The following TREX1 variants were observed in gnomAD, a reference collection of about 807,000 sequenced individuals.
TREX1 encodes three prime repair exonuclease 1.
A neutral mutation model predicts 13.7 loss-of-function variants in TREX1; 11 were observed. That is an observed-to-expected ratio of 0.80 (90% CI 0.51 to 1.33). The LOEUF is 1.33. TREX1 is among the 40% of genes most tolerant of loss of function. The pLI, the probability that TREX1 is intolerant of heterozygous loss-of-function variation, is 0.00. For missense variants in TREX1, 409 were observed against 404.4 expected, an observed-to-expected ratio of 1.01 and a Z score of -0.10; for synonymous variants, 178 against 178.8, an observed-to-expected ratio of 1.00 and a Z score of 0.03.
rs56162833 is a variant in TREX1, at chr3:48,466,967, G to A, written c.312G>A (p.Leu104=). 13 of 1,612,374 alleles carry A rather than the reference G, an allele frequency of 8.1e-6. No individual in the cohort carries two copies. The highest frequency in any genetic ancestry group is 1.1e-5 in the Non-Finnish European group (13 of 1,180,034). The change falls in exon 2 of 2, where the codon CTG becomes CTA. Residue 104 remains leucine (L), a synonymous_variant. Coordinates refer to ENST00000625293, the MANE Select transcript of TREX1 (RefSeq NM_033629.6). ...GGCGTCAATGTTTTGATGACAACCT[G>A]GCCAACCTGCTCCTAGCCTTCCTGC... ...AHGRQCFDDN[L]ANLLLAFLRR...
In TREX1 at chr3:48,466,661, C is replaced by T. The variant is rs1457063888; in HGVS notation, c.6C>T (p.Gly2=). 2 of 1,614,086 alleles carry T rather than the reference C, an allele frequency of 1.2e-6. No individual in the cohort carries two copies. The highest frequency in any genetic ancestry group is 1.3e-5 in the African/African-American group (1 of 75,044). M[G]SQALPPGPMQ... ...CAGCAGGTACGTACCCAACCATGGG[C>T]TCGCAGGCCCTGCCCCCGGGGCCCA... The change falls in exon 2 of 2, where the codon GGC becomes GGT. Residue 2 remains glycine, a synonymous_variant. Transcript: ENST00000625293.
At chr3:48,466,419 C>T (rs989302643) in intron 1 of TREX1, 110 bp downstream of exon 1, 16 of 1,605,430 alleles carry the variant, frequency 1.0e-5, no homozygotes, top group African/African-American at 4.0e-5. Flanking sequence ...AAGAGGGAGA[C>T]CCTCTCAGAC....
chr3:48,467,133 A>C lies in TREX1; in HGVS notation c.478A>C (p.Lys160Gln). Reference protein sequence around the residue: ...AFCVDSITALKALERASSPSE... With the variant: ...AFCVDSITALQALERASSPSE... ...CTGTGTGGATAGCATCACTGCGCTG[A>C]AGGCCCTGGAGCGAGCAAGCAGCCC... The change falls in exon 2 of 2, where the codon AAG (lysine) becomes CAG (glutamine). Residue 160 changes from lysine (K) to glutamine (Q), a missense_variant. Physicochemically the swap from Lys to Gln is moderately conservative, Grantham distance 53. Coordinates refer to ENST00000625293, the MANE Select transcript of TREX1 (RefSeq NM_033629.6). 1.2e-6 allele frequency: 2 copies of C among 1,613,918 alleles called. No homozygotes were observed. The highest frequency in any genetic ancestry group is 1.7e-6 in the Non-Finnish European group (2 of 1,180,008).
Position 48,466,883 on chromosome 3 carries a change from C to CT in TREX1, c.229dup (p.Cys77LeufsTer25), listed in dbSNP as rs1455663493. 2 of 1,612,600 alleles carry CT rather than the reference C, an allele frequency of 1.2e-6. No homozygotes were observed. Among genetic ancestry groups the CT allele is most frequent in the Non-Finnish European group, 1.7e-6 (2 of 1,180,028 alleles). On this transcript the variant is annotated frameshift_variant, in exon 2 of 2. Coordinates refer to ENST00000625293, the MANE Select transcript of TREX1 (RefSeq NM_033629.6). LOFTEE classifies it high-confidence loss of function. ...CCCTGTGTGTGGCTCCGGGGAAGGC[C>CT]TGCAGCCCTGCAGCCAGCGAGATCA...
Position 48,467,188 on chromosome 3 carries a change from G to C in TREX1, c.533G>C (p.Ser178Thr). The C allele has an allele frequency of 6.2e-7, 1 of 1,613,906 alleles. No individual in the cohort carries two copies. The highest frequency in any genetic ancestry group is 8.5e-7 in the Non-Finnish European group (1 of 1,179,958). The stretch of plus-strand genomic sequence containing the variant: ...GAACACGGCCCAAGGAAGAGCTATA[G>C]CCTAGGCAGCATCTACACTCGCCTG... ...PSEHGPRKSY[S>T]LGSIYTRLYG... The change falls in exon 2 of 2, where the codon AGC becomes ACC. Residue 178 changes from serine (S) to threonine (T), a missense_variant. Ser to Thr is a moderately conservative substitution (Grantham distance 58). Transcript: ENST00000625293.
rs1312834489 is a variant in TREX1 at position 48,467,342 on chromosome 3, C to G, written c.687C>G (p.Ile229Met). The G allele has an allele frequency of 6.2e-7, 1 of 1,614,192 alleles. No individual in the cohort carries two copies. The part of the protein sequence containing the change: ...VDAHARPFGT[I>M]RPMYGVTASA... ...CTCACGCCAGGCCTTTCGGCACCAT[C>G]AGGCCCATGTATGGGGTCACAGCCT... Residue 229 changes from isoleucine (I) to methionine (M), a missense_variant, in exon 2 of 2, where the codon ATC (isoleucine) becomes ATG (methionine). Transcript: ENST00000625293.
chr3:48,467,375 G>C lies in TREX1; in HGVS notation c.720G>C (p.Arg240Ser), dbSNP rs72556555. The C allele has an allele frequency of 1.4e-4, 234 of 1,614,156 alleles. No homozygotes were observed. The African/African-American group carries it at 2.7e-3, about 19-fold the overall frequency. Residue 240 changes from arginine to serine, a missense_variant, in exon 2 of 2, where the codon AGG becomes AGC. Arg to Ser is a moderately radical substitution (Grantham distance 110). Transcript: ENST00000625293. ...TGTATGGGGTCACAGCCTCTGCTAG[G>C]ACCAAGCCAAGACCATCTGCTGTCA... ...RPMYGVTASARTKPRPSAVTT... is the reference protein window; with the variant it reads ...RPMYGVTASASTKPRPSAVTT...
chr3:48,467,530 G>A lies in TREX1; in HGVS notation c.875G>A (p.Gly292Asp), dbSNP rs772858415. ...LSREGLLAPL[G>D]LLAILTLAVA... ...AGGGAGGGGCTGCTGGCCCCACTGG[G>A]TCTGCTGGCCATCCTGACCTTGGCA... The change falls in exon 2 of 2, where the codon GGT becomes GAT. Residue 292 changes from glycine to aspartate, a missense_variant. By Grantham distance (94) the Gly-to-Asp change is moderately conservative. Coordinates refer to ENST00000625293, the MANE Select transcript of TREX1 (RefSeq NM_033629.6). The A allele has an allele frequency of 1.9e-6, 3 of 1,613,656 alleles. No individual in the cohort carries two copies. Among genetic ancestry groups the A allele is most frequent in the Non-Finnish European group, 1.7e-6 (2 of 1,179,798 alleles).
In TREX1 at chr3:48,466,850, C is replaced by G; in HGVS notation, c.195C>G (p.Asp65Glu). Residue 65 changes from aspartate to glutamate, a missense_variant, in exon 2 of 2, where the codon GAC becomes GAG. Coordinates refer to ENST00000625293, the MANE Select transcript of TREX1 (RefSeq NM_033629.6). The part of the protein sequence containing the change: ...PTVPPPPRVV[D>E]KLSLCVAPGK... ...TTCCTCCACCACCGCGTGTGGTAGA[C>G]AAGCTCTCCCTGTGTGTGGCTCCGG... The G allele has an allele frequency of 6.2e-7, 1 of 1,613,960 alleles. No individual in the cohort carries two copies. The highest frequency in any genetic ancestry group is 8.5e-7 in the Non-Finnish European group (1 of 1,180,046).
Position 48,467,603 on chromosome 3 carries a change from C to CAAGA in TREX1, c.*5_*8dup. ...CCCTGGCCACACCTGGGGAGTAGGC[C>CAAGA]AAGAAGGAAAATCTGACGAATAAAG... On this transcript the variant is annotated 3_prime_UTR_variant, in exon 2 of 2. Coordinates refer to ENST00000625293, the MANE Select transcript of TREX1 (RefSeq NM_033629.6). 6.2e-7 allele frequency: 1 copy of CAAGA among 1,609,272 alleles called. No individual in the cohort carries two copies. The highest frequency in any genetic ancestry group is 1.1e-5 in the South Asian group (1 of 90,908).
chr3:48,466,581 C>T (rs1242427237), intron 1 of TREX1, 49 bp from the exon 2 acceptor site: 16 of 1,613,690 alleles, frequency 9.9e-6, no homozygotes, highest in Middle Eastern at 3.3e-4. Flanking sequence ...CCCTCCCCTT[C>T]GGATCTTAAC....
rs1003855092 is a variant in TREX1 at position 48,466,327 on chromosome 3, A to G, written c.-27+18A>G. On this transcript the variant is annotated intron_variant, in intron 1 of 1. Transcript: ENST00000625293. ...CTGCTACGGTGAGTGTGGCCCCCAC[A>G]ATGGGATGGCGCAGGGCAGGAGGGC... is the stretch of plus-strand genomic sequence containing the variant. 2 of 898,154 alleles carry G rather than the reference A, an allele frequency of 2.2e-6. No homozygotes were observed. The highest frequency in any genetic ancestry group is 3.6e-6 in the Non-Finnish European group (2 of 560,736). 55.6% of individuals were successfully genotyped at this position (898,154 alleles called of 1,614,324 possible). A position where few individuals can be genotyped will look rare whatever the true frequency, so the allele number is the denominator to read the frequency against.
rs1371605173 is a variant in TREX1 at position 48,467,641 on chromosome 3, C to T, written c.*41C>T. On this transcript the variant is annotated 3_prime_UTR_variant, in exon 2 of 2. Transcript: ENST00000625293. ...CTGACGAATAAAGACCCCCGCTGCC[C>T]CATAGCACTGAGTGGTCAATTGGCT... 3.8e-6 allele frequency: 6 copies of T among 1,588,544 alleles called. No individual in the cohort carries two copies. Among genetic ancestry groups the T allele is most frequent in the Non-Finnish European group, 4.3e-6 (5 of 1,167,216 alleles).
rs935356579 is a variant in TREX1, at chr3:48,466,261, G to C, written c.-75G>C. 4.8e-6 allele frequency: 3 copies of C among 619,408 alleles called. No homozygotes were observed. Among genetic ancestry groups the C allele is most frequent in the Non-Finnish European group, 5.7e-6 (2 of 348,236 alleles). The allele number at this position is 619,408 out of a possible 1,614,324, so 38.4% of individuals were successfully genotyped here. A position where few individuals can be genotyped will look rare whatever the true frequency, so the allele number is the denominator to read the frequency against. ...CGCCACTGCTGCCAGCGAGAGCCGCGGGAGAGTGTGCAGCCGAGTCACTAC... is the reference window on the plus strand; with the variant it reads ...CGCCACTGCTGCCAGCGAGAGCCGCCGGAGAGTGTGCAGCCGAGTCACTAC... On this transcript the variant is annotated 5_prime_UTR_variant, in exon 1 of 2. Coordinates refer to ENST00000625293, the MANE Select transcript of TREX1 (RefSeq NM_033629.6).
intron 1 of TREX1, 99 bp from the exon 2 acceptor site, chr3:48,466,531 G>A (rs1004374077): frequency 7.4e-6 from 12 of 1,613,928 alleles, no homozygotes; most frequent in Non-Finnish European, 1.0e-5. Flanking sequence ...ATTGTGCAGG[G>A]AAGGCCTGAG....
At chr3:48,466,459 C>A (rs781754724) in intron 1 of TREX1, 150 bp downstream of exon 1, 1 of 1,613,690 alleles carries the variant, frequency 6.2e-7, no homozygotes. Flanking sequence ...ACTAAGGAAA[C>A]CACCTCACCC....
intron 1 of TREX1, 65 bp downstream of exon 1, chr3:48,466,374 C>A: frequency 1.4e-6 from 2 of 1,420,782 alleles, no homozygotes; most frequent in Non-Finnish European, 2.0e-6. Flanking sequence ...CCACCCCAGA[C>A]TAAGGGGGCA....
Position 48,467,109 on chromosome 3 carries a change from T to C in TREX1, c.454T>C (p.Cys152Arg). 6.2e-7 allele frequency: 1 copy of C among 1,613,976 alleles called. No individual in the cohort carries two copies. Among genetic ancestry groups the C allele is most frequent in the Non-Finnish European group, 8.5e-7 (1 of 1,180,034 alleles). ...CACCAGTGCTCTGGATGGTGCCTTC[T>C]GTGTGGATAGCATCACTGCGCTGAA... ...GLTSALDGAF[C>R]VDSITALKAL... Residue 152 changes from cysteine (C) to arginine (R), a missense_variant, in exon 2 of 2, where the codon TGT becomes CGT. Physicochemically the swap from Cys to Arg is radical, Grantham distance 180. Transcript: ENST00000625293.
At position 48,466,706 on chromosome 3, in the gene TREX1, C is replaced by T. The variant is rs1252848366; in HGVS notation, c.51C>T (p.Phe17=). ...GGCCCATGCAGACCCTCATCTTTTT[C>T]GACATGGAGGCCACTGGCTTGCCCT... The part of the protein sequence containing the change: ...PPGPMQTLIF[F]DMEATGLPFS... The change falls in exon 2 of 2, where the codon TTC becomes TTT. Residue 17 remains phenylalanine (F), a synonymous_variant. Transcript: ENST00000625293. 6 of 1,614,054 alleles carry T rather than the reference C, an allele frequency of 3.7e-6. No individual in the cohort carries two copies. In the South Asian group the frequency reaches 4.4e-5, roughly 12 times the overall value.
Sources: gnomAD v4.1 joint callset for allele counts on GRCh38, gnomAD v4.1.1 for gene constraint, MANE v1.5 for transcripts, NCBI Gene and HGNC (gene_info 2026-07-23, HGNC 2026-07-21) for gene names.